LRRC7: variants seen among roughly 807,000 people sequenced by gnomAD.
LRRC7 encodes the protein leucine-rich repeat-containing protein 7.
Under a neutral mutation model 175.7 loss-of-function variants are expected in LRRC7, and 23 were observed. The ratio of observed to expected loss-of-function variants is 0.13; its 90% CI spans 0.09 to 0.19. The LOEUF (loss-of-function observed/expected upper bound fraction) is 0.19, where lower values mean the gene tolerates loss of function less well. Ranked by LOEUF, LRRC7 falls within the 10% of genes least tolerant of loss-of-function variation. The probability of loss-of-function intolerance (pLI) is 1.00; values close to 1 mark genes in which losing one functional copy is unlikely to be tolerated. For missense variants in LRRC7, 1,354 were observed against 1,904.7 expected, an observed-to-expected ratio of 0.71 and a Z score of 5.38; for synonymous variants, 685 against 680.9, an observed-to-expected ratio of 1.01 and a Z score of -0.09.
At chr1:70,116,885 A>G (rs1222080817) in intron 26 of LRRC7, among the ~76,000 whole-genome samples, 1 of 152,218 alleles carries the variant, frequency 6.6e-6, no homozygotes, top group East Asian at 1.9e-4. Context: ...AAGCACAATG[A>G]GGATTATCTG....
At chr1:69,900,132 C>T (rs1041902927) in intron 7 of LRRC7, among the ~76,000 whole-genome samples, 4 of 152,134 alleles carry the variant, frequency 2.6e-5, no homozygotes, top group African/African-American at 7.2e-5. Flanking sequence ...AAAAGAACAG[C>T]GGACCAGATT....
intron 15 of LRRC7, among the ~76,000 whole-genome samples, chr1:70,020,160 T>A (rs1012576071): frequency 6.6e-6 from 1 of 151,964 alleles, no homozygotes; most frequent in Admixed American, 6.6e-5. Flanking sequence ...GGCAGGAGTG[T>A]AATAAATGAG....
At chr1:69,571,332 A>G (rs1464477081) in intron 1 of LRRC7, among the ~76,000 whole-genome samples, 1 of 152,174 alleles carries the variant, frequency 6.6e-6, no homozygotes, top group Non-Finnish European at 1.5e-5. Flanking sequence ...CATTTTCCCA[A>G]TTAAATTCTT....
At chr1:70,024,258 A>G (rs1657841327) in intron 17 of LRRC7, among the ~76,000 whole-genome samples, 1 of 151,566 alleles carries the variant, frequency 6.6e-6, no homozygotes, top group Non-Finnish European at 1.5e-5. Context: ...CAATCAAATC[A>G]AATTAGAATT....
chr1:70,070,724 G>T (rs1021350599), intron 23 of LRRC7, among the ~76,000 whole-genome samples: 1 of 152,158 alleles, frequency 6.6e-6, no homozygotes, highest in African/African-American at 2.4e-5. Context: ...GAGGATGGAA[G>T]TTTCATCTCC....
chr1:69,988,638 T>G (rs534962857), intron 10 of LRRC7, among the ~76,000 whole-genome samples: 1 of 152,110 alleles, frequency 6.6e-6, no homozygotes, highest in East Asian at 1.9e-4. Context: ...CTCTTTTCTG[T>G]GAAAAGGGAC....
intron 7 of LRRC7, among the ~76,000 whole-genome samples, chr1:69,894,819 G>A (rs1036230619): frequency 6.6e-6 from 1 of 152,224 alleles, no homozygotes; most frequent in African/African-American, 2.4e-5. Flanking sequence ...ATAGTAGAAT[G>A]ATGGTTACCA....
At chr1:69,577,617 C>G (rs1460694993) in intron 1 of LRRC7, among the ~76,000 whole-genome samples, 1 of 152,130 alleles carries the variant, frequency 6.6e-6, no homozygotes, top group African/African-American at 2.4e-5. Flanking sequence ...GTTTTCCCAG[C>G]ACCATTTATT....
At chr1:69,808,702 C>A (rs1677436675) in intron 4 of LRRC7, among the ~76,000 whole-genome samples, 2 of 152,054 alleles carry the variant, frequency 1.3e-5, no homozygotes, top group Admixed American at 6.6e-5. Flanking sequence ...TAAATAAGTT[C>A]TTTGAAACCA....
intron 7 of LRRC7, among the ~76,000 whole-genome samples, chr1:69,840,070 A>G (rs1488695326): frequency 6.6e-6 from 1 of 152,040 alleles, no homozygotes; most frequent in Non-Finnish European, 1.5e-5. Context: ...ACTCATACAC[A>G]TATAACTTAT....
chr1:70,008,621 A>G (rs1656203421), intron 11 of LRRC7, among the ~76,000 whole-genome samples: 1 of 152,228 alleles, frequency 6.6e-6, no homozygotes, highest in African/African-American at 2.4e-5. Flanking sequence ...TCCTTGGTCT[A>G]TAGGCTGGAT....
intron 25 of LRRC7, among the ~76,000 whole-genome samples, chr1:70,093,567 A>G (rs1478719922): frequency 6.6e-6 from 1 of 152,146 alleles, no homozygotes; most frequent in Non-Finnish European, 1.5e-5. Context: ...TATACCCTGT[A>G]GAGTTGAGAC....
chr1:70,113,907 C>T (rs1359381611), intron 26 of LRRC7, among the ~76,000 whole-genome samples: 2 of 152,132 alleles, frequency 1.3e-5, no homozygotes, highest in South Asian at 2.1e-4. Flanking sequence ...ACCACTTCCA[C>T]ACAACACATT....
intron 2 of LRRC7, among the ~76,000 whole-genome samples, chr1:69,700,404 A>G (rs1400345079): frequency 2.0e-5 from 3 of 152,210 alleles, no homozygotes; most frequent in Admixed American, 6.5e-5. Flanking sequence ...TAAATTCTTC[A>G]TATATTGATC....
At chr1:69,969,760 T>G (rs1023619857) in intron 8 of LRRC7, among the ~76,000 whole-genome samples, 1 of 152,108 alleles carries the variant, frequency 6.6e-6, no homozygotes, top group Non-Finnish European at 1.5e-5. Context: ...GGATTTAAAC[T>G]ATACCCCAGA....
At chr1:69,707,869 A>G (rs1198216282) in intron 2 of LRRC7, among the ~76,000 whole-genome samples, 1 of 152,188 alleles carries the variant, frequency 6.6e-6, no homozygotes, top group Admixed American at 6.5e-5. Context: ...ATTTTGTTAT[A>G]ATGGTCAGTT....
In LRRC7 at chr1:69,966,424, C is replaced by A. The variant is rs542161848; in HGVS notation, c.712-13955C>A. On this transcript the variant is annotated intron_variant, in intron 8 of 26. Coordinates refer to ENST00000651989, the MANE Select transcript of LRRC7 (RefSeq NM_001370785.2). The stretch of plus-strand genomic sequence containing the variant: ...TACTTTGACAAAATTAGATAAATGG[C>A]AGATTATGTTTTTCATTAGTAACAT... Among the ~76,000 whole-genome samples the A allele has an allele frequency of 3.7e-3, 566 of 152,222 alleles. 4 individuals carry two copies. The highest frequency in any genetic ancestry group is 6.7e-3 in the Non-Finnish European group (456 of 68,006).
intron 1 of LRRC7, among the ~76,000 whole-genome samples, chr1:69,645,067 T>C (rs1654811979): frequency 6.6e-6 from 1 of 152,022 alleles, no homozygotes; most frequent in Non-Finnish European, 1.5e-5. Flanking sequence ...AGCAAGAATA[T>C]TCATTGTTGT....
intron 18 of LRRC7, among the ~76,000 whole-genome samples, chr1:70,033,950 T>C (rs1190804777): frequency 6.6e-6 from 1 of 152,186 alleles, no homozygotes; most frequent in Non-Finnish European, 1.5e-5. Context: ...AACTTACCTT[T>C]AGATTCATAG....
Sources: gnomAD v4.1 joint callset for allele counts (sites outside exome capture counted in the v4.1 genomes callset) on GRCh38, gnomAD v4.1.1 for gene constraint, MANE v1.5 for transcripts, NCBI Gene and HGNC (gene_info 2026-07-23, HGNC 2026-07-21) for gene names.